Variants in MYRIP observed in about 807,000 individuals in gnomAD.
The protein encoded by MYRIP is rab effector MyRIP.
Under a neutral mutation model 98.0 loss-of-function variants are expected in MYRIP, and 49 were observed. The observed-to-expected ratio is 0.50, with a 90% confidence interval of 0.40 to 0.63. The LOEUF (loss-of-function observed/expected upper bound fraction) is 0.63. Among genes scored for constraint, MYRIP ranks in the 30% least tolerant of loss-of-function variants. The pLI is 0.00. For synonymous variants in MYRIP, 404 were observed against 409.5 expected (o/e 0.99, Z 0.16); for missense variants, 1,004 against 1,058.2 (o/e 0.95, Z 0.71).
At chr3:39,878,557 AATGTATATATATACACAGAG>A in intron 1 of MYRIP, among the ~76,000 whole-genome samples, 1 of 152,200 alleles carries the variant, frequency 6.6e-6, no homozygotes, top group African/African-American at 2.4e-5. Flanking sequence ...TGAAAATACA[AATGTATATATATACACAGAG>A]GTGTATATAT....
At chr3:40,249,417 G>A (rs190754240) in intron 13 of MYRIP, among the ~76,000 whole-genome samples, 1 of 152,334 alleles carries the variant, frequency 6.6e-6, no homozygotes, top group African/African-American at 2.4e-5. Context: ...GTGAGATGAT[G>A]GGTGTATCAC....
intron 2 of MYRIP, among the ~76,000 whole-genome samples, chr3:40,037,347 G>A (rs1947405878): frequency 6.6e-6 from 1 of 152,002 alleles, no homozygotes; most frequent in Non-Finnish European, 1.5e-5. Flanking sequence ...AAATTGCAAG[G>A]GAGATATATA....
intron 2 of MYRIP, among the ~76,000 whole-genome samples, chr3:39,969,729 T>C (rs1362057551): frequency 6.6e-6 from 1 of 152,166 alleles, no homozygotes; most frequent in Non-Finnish European, 1.5e-5. Flanking sequence ...TTTGCAGGTA[T>C]TTTGTTGAGG....
chr3:39,955,251 G>GA (rs1945126588), intron 2 of MYRIP, among the ~76,000 whole-genome samples: 1 of 152,066 alleles, frequency 6.6e-6, no homozygotes, highest in African/African-American at 2.4e-5. Flanking sequence ...TGAAATTAAG[G>GA]AAAAAATGTT....
At chr3:39,856,685 A>G (rs903033579) in intron 1 of MYRIP, among the ~76,000 whole-genome samples, 1 of 152,192 alleles carries the variant, frequency 6.6e-6, no homozygotes, top group Non-Finnish European at 1.5e-5. Context: ...CCTATTAGAT[A>G]CTTTGTCAGC....
intron 2 of MYRIP, among the ~76,000 whole-genome samples, chr3:39,926,938 T>A (rs1049000488): frequency 6.6e-6 from 1 of 152,100 alleles, no homozygotes; most frequent in African/African-American, 2.4e-5. Flanking sequence ...ATTTTAACAA[T>A]GTTAATTCTT....
intron 2 of MYRIP, among the ~76,000 whole-genome samples, chr3:39,959,514 G>C (rs997473710): frequency 2.0e-5 from 3 of 151,970 alleles, no homozygotes; most frequent in African/African-American, 7.3e-5. Flanking sequence ...CACACATCAG[G>C]GCCTGTCATG....
intron 2 of MYRIP, among the ~76,000 whole-genome samples, chr3:39,938,431 CTG>C (rs554912640): frequency 1.8e-4 from 28 of 152,066 alleles, no homozygotes; most frequent in Non-Finnish European, 3.5e-4. Flanking sequence ...GATACTTCTG[CTG>C]TGAGCATTCT....
intron 2 of MYRIP, among the ~76,000 whole-genome samples, chr3:39,983,165 A>T (rs1401508766): frequency 6.6e-6 from 1 of 152,224 alleles, no homozygotes; most frequent in Admixed American, 6.5e-5. Context: ...GTCGGCCTGG[A>T]TTACATTTCG....
chr3:39,842,557 A>G (rs181262503), intron 1 of MYRIP, among the ~76,000 whole-genome samples: 22 of 152,244 alleles, frequency 1.4e-4, no homozygotes, highest in Admixed American at 9.2e-4. Flanking sequence ...GGGCTGCCCA[A>G]CTTTGTGGTT....
At chr3:40,249,690 G>C (rs1385309482) in intron 13 of MYRIP, among the ~76,000 whole-genome samples, 3 of 152,134 alleles carry the variant, frequency 2.0e-5, no homozygotes, top group Non-Finnish European at 4.4e-5. Context: ...TTACAAATTA[G>C]GAAAATGATG....
intron 10 of MYRIP, among the ~76,000 whole-genome samples, chr3:40,202,861 C>T (rs1028443626): frequency 3.3e-5 from 5 of 152,052 alleles, no homozygotes; most frequent in African/African-American, 1.2e-4. Flanking sequence ...TGTCTCGTAC[C>T]TTCTTCCCCC....
intron 2 of MYRIP, among the ~76,000 whole-genome samples, chr3:39,990,290 T>C (rs1326781956): frequency 6.6e-6 from 1 of 152,190 alleles, no homozygotes; most frequent in South Asian, 2.1e-4. Flanking sequence ...TTCCTTCTTC[T>C]CTGTGGATCA....
intron 2 of MYRIP, among the ~76,000 whole-genome samples, chr3:40,012,997 C>G (rs1261688780): frequency 6.6e-6 from 1 of 152,234 alleles, no homozygotes; most frequent in Non-Finnish European, 1.5e-5. Flanking sequence ...GCCAGCTCCC[C>G]TCAAGGAGTG....
At chr3:39,955,749 C>A (rs1945140012) in intron 2 of MYRIP, among the ~76,000 whole-genome samples, 1 of 152,122 alleles carries the variant, frequency 6.6e-6, no homozygotes, top group African/African-American at 2.4e-5. Context: ...GATGAAGAGT[C>A]AAGACCCATC....
At chr3:40,108,214 G>GAGAGAGAGAGAGA (rs1949089558) in intron 3 of MYRIP, among the ~76,000 whole-genome samples, 1 of 120,760 alleles carries the variant, frequency 8.3e-6, no homozygotes, top group African/African-American at 3.2e-5. Context: ...AGAGAGAGAG[G>GAGAGAGAGAGAGA]GTGAGTCGAA....
At chr3:40,239,011 C>T (rs1220612110) in intron 12 of MYRIP, among the ~76,000 whole-genome samples, 1 of 150,942 alleles carries the variant, frequency 6.6e-6, no homozygotes, top group Non-Finnish European at 1.5e-5. Flanking sequence ...CACCCACTAA[C>T]TCGTCATCTA....
At chr3:39,852,533 AC>A (rs1204717136) in intron 1 of MYRIP, among the ~76,000 whole-genome samples, 6 of 150,978 alleles carry the variant, frequency 4.0e-5, no homozygotes, top group Admixed American at 1.3e-4. Context: ...TTATTTCATC[AC>A]CCCACTCCCC....
chr3:40,125,790 G>A (rs1364336324), intron 3 of MYRIP, among the ~76,000 whole-genome samples: 1 of 151,976 alleles, frequency 6.6e-6, no homozygotes, highest in Admixed American at 6.6e-5. Context: ...CTTCCTTCTC[G>A]CTATTTGTCA....
Sources: allele counts gnomAD v4.1 joint callset (sites outside exome capture counted in the v4.1 genomes callset), GRCh38; gene constraint gnomAD v4.1.1; transcripts MANE v1.5; gene names NCBI Gene and HGNC (gene_info 2026-07-23, HGNC 2026-07-21).